Variants in GRID2 observed in about 807,000 individuals in gnomAD.
GRID2 encodes glutamate ionotropic receptor delta type subunit 2, also known as glutamate receptor ionotropic, delta-2.
Under a neutral mutation model 114.8 loss-of-function variants are expected in GRID2, and 33 were observed. The observed-to-expected ratio is 0.29, with a 90% CI of 0.22 to 0.38. The LOEUF (loss-of-function observed/expected upper bound fraction) is 0.38, where lower values mean the gene tolerates loss of function less well. GRID2 is among the 10% of genes least tolerant of loss of function. The pLI is 1.00. For missense variants in GRID2, 1,184 were observed against 1,257.7 expected (o/e 0.94, Z 0.89); for synonymous variants, 505 against 449.9 (o/e 1.12, Z -1.55).
At chr4:92,330,466 A>G (rs188419668) in intron 1 of GRID2, among the ~76,000 whole-genome samples, 3 of 152,124 alleles carry the variant, frequency 2.0e-5, no homozygotes, top group African/African-American at 7.2e-5. Context: ...TTACCTCTAC[A>G]TGTTAATTGG....
chr4:92,954,587 C>G (rs368925798), intron 2 of GRID2, among the ~76,000 whole-genome samples: 1 of 151,338 alleles, frequency 6.6e-6, no homozygotes, highest in Admixed American at 6.6e-5. Flanking sequence ...CCACCATGCC[C>G]GGCTAATTTT....
intron 2 of GRID2, among the ~76,000 whole-genome samples, chr4:93,043,178 T>C (rs1170881919): frequency 2.0e-5 from 3 of 152,194 alleles, no homozygotes; most frequent in Non-Finnish European, 4.4e-5. Context: ...AAATGAATTA[T>C]GGATTTAGCA....
intron 8 of GRID2, among the ~76,000 whole-genome samples, chr4:93,323,144 T>A (rs1757424946): frequency 6.6e-6 from 1 of 152,204 alleles, no homozygotes; most frequent in Non-Finnish European, 1.5e-5. Context: ...TGAATGGTAT[T>A]GCCTAGGTTT....
At chr4:92,335,896 G>T (rs1727134820) in intron 1 of GRID2, among the ~76,000 whole-genome samples, 1 of 152,142 alleles carries the variant, frequency 6.6e-6, no homozygotes, top group African/African-American at 2.4e-5. Context: ...GAGCTATGTG[G>T]TGGTCCATGG....
chr4:93,488,899 A>G lies in GRID2; in HGVS notation c.1859-1740A>G, dbSNP rs548901401. ...TATCGGATTAGAATCCATGCTTACAATCTCACTATACCTTGATTACTTAGT... is the reference window on the plus strand; with the variant it reads ...TATCGGATTAGAATCCATGCTTACAGTCTCACTATACCTTGATTACTTAGT... On this transcript the variant is annotated intron_variant, in intron 11 of 15. Coordinates refer to ENST00000282020, the MANE Select transcript of GRID2 (RefSeq NM_001510.4). Among the ~76,000 whole-genome samples the G allele has an allele frequency of 5.4e-4, 82 of 152,024 alleles. 1 individual carries two copies. Among genetic ancestry groups the G allele is most frequent in the African/African-American group, 1.9e-3 (80 of 41,536 alleles).
intron 2 of GRID2, among the ~76,000 whole-genome samples, chr4:92,868,066 T>TTCTTTCTTTCTGTCTG (rs1407614791): frequency 8.1e-6 from 1 of 123,216 alleles, no homozygotes; most frequent in African/African-American, 3.2e-5. Context: ...CTTTCTTTCT[T>TTCTTTCTTTCTGTCTG]TCTGTCTGTC....
intron 1 of GRID2, among the ~76,000 whole-genome samples, chr4:92,509,623 T>A (rs573055681): frequency 6.6e-6 from 1 of 152,096 alleles, no homozygotes; most frequent in South Asian, 2.1e-4. Flanking sequence ...TCAGAAAAGT[T>A]AAGTAGAAAA....
intron 2 of GRID2, among the ~76,000 whole-genome samples, chr4:92,714,029 A>G (rs759375531): frequency 2.0e-5 from 3 of 152,142 alleles, no homozygotes; most frequent in Non-Finnish European, 2.9e-5. Context: ...TCCACAGTCC[A>G]ACATCTCATC....
chr4:92,500,657 T>C (rs1191815836), intron 1 of GRID2, among the ~76,000 whole-genome samples: 2 of 152,154 alleles, frequency 1.3e-5, no homozygotes, highest in Non-Finnish European at 2.9e-5. Context: ...CTGAAATTGG[T>C]GGGCTGTCTC....
chr4:93,758,427 A>G (rs1029196460), intron 14 of GRID2, among the ~76,000 whole-genome samples: 2 of 152,200 alleles, frequency 1.3e-5, no homozygotes, highest in South Asian at 2.1e-4. Context: ...TGTTGTTTGC[A>G]TCATAAAATA....
intron 2 of GRID2, among the ~76,000 whole-genome samples, chr4:92,674,565 C>T (rs1262946609): frequency 2.0e-5 from 3 of 152,052 alleles, no homozygotes; most frequent in Non-Finnish European, 4.4e-5. Flanking sequence ...CTCTGTTGCC[C>T]AGGCTGGAGT....
intron 12 of GRID2, among the ~76,000 whole-genome samples, chr4:93,508,064 G>A (rs983753236): frequency 2.0e-5 from 3 of 152,086 alleles, no homozygotes; most frequent in Admixed American, 6.5e-5. Flanking sequence ...GCTAAATGAC[G>A]AGTTAATGAG....
At chr4:93,587,751 A>G (rs553324001) in intron 13 of GRID2, among the ~76,000 whole-genome samples, 2 of 152,190 alleles carry the variant, frequency 1.3e-5, no homozygotes, top group East Asian at 3.9e-4. Flanking sequence ...CATTATAATC[A>G]TTGTTTTCTA....
At chr4:93,462,433 T>G (rs72668737) in intron 11 of GRID2, among the ~76,000 whole-genome samples, 2,114 of 152,268 alleles carry the variant, frequency 0.014, 17 homozygotes, top group South Asian at 0.055. Flanking sequence ...ATAGAAAGTG[T>G]GCCTTTAGGA....
intron 8 of GRID2, among the ~76,000 whole-genome samples, chr4:93,328,035 C>G (rs1414223717): frequency 4.6e-5 from 7 of 151,830 alleles, no homozygotes; most frequent in Admixed American, 4.6e-4. Flanking sequence ...GTGTCCTGGC[C>G]GGGCGCAGTG....
At chr4:93,502,436 C>A (rs1476413344) in intron 12 of GRID2, among the ~76,000 whole-genome samples, 3 of 151,726 alleles carry the variant, frequency 2.0e-5, no homozygotes, top group African/African-American at 7.3e-5. Context: ...AACTGAAAAC[C>A]TGAATAACAG....
intron 2 of GRID2, among the ~76,000 whole-genome samples, chr4:92,940,556 T>C (rs973865809): frequency 1.3e-5 from 2 of 152,174 alleles, no homozygotes. Flanking sequence ...GAATGCCCTT[T>C]ATTTCCTTCC....
chr4:92,710,305 T>C (rs1735184721), intron 2 of GRID2, among the ~76,000 whole-genome samples: 1 of 152,182 alleles, frequency 6.6e-6, no homozygotes, highest in African/African-American at 2.4e-5. Context: ...AAATAAACAA[T>C]TTTTAGATAA....
Position 93,185,502 on chromosome 4 carries a change from T to C in GRID2, c.736-21902T>C, listed in dbSNP as rs147810116. 3.7e-3 allele frequency among the ~76,000 whole-genome samples: 568 copies of C among 152,324 alleles called. 1 individual carries two copies. The highest frequency in any genetic ancestry group is 0.012 in the African/African-American group (493 of 41,584). On this transcript the variant is annotated intron_variant, in intron 4 of 15. Coordinates refer to ENST00000282020, the MANE Select transcript of GRID2 (RefSeq NM_001510.4). ...TGACAAGGTCAGCAACATGGGAAGCTGATGTTGCTTTCCTTTATAAGAGAT... is the reference window on the plus strand; with the variant it reads ...TGACAAGGTCAGCAACATGGGAAGCCGATGTTGCTTTCCTTTATAAGAGAT...
Sources: allele counts gnomAD v4.1 joint callset (sites outside exome capture counted in the v4.1 genomes callset), GRCh38; gene constraint gnomAD v4.1.1; transcripts MANE v1.5; gene names NCBI Gene and HGNC (gene_info 2026-07-23, HGNC 2026-07-21).